The following NOL7 variants were observed in gnomAD, a reference collection of about 807,000 sequenced individuals.
NOL7 encodes the protein nucleolar protein 7.
Under a neutral mutation model 38.4 loss-of-function variants are expected in NOL7, and 36 were observed. The observed-to-expected ratio is 0.94, with a 90% CI of 0.72 to 1.24. The LOEUF (loss-of-function observed/expected upper bound fraction) is 1.24. Ranked by LOEUF, NOL7 falls within the 50% of genes most tolerant of loss-of-function variation. NOL7 has a pLI of 0.00. For synonymous variants in NOL7, 142 were observed against 126.5 expected (o/e 1.12, Z -0.82); for missense variants, 350 against 315.1 (o/e 1.11, Z -0.84).
chr6:13,632,002 C>G (rs1764795336), intron 8 of NOL7, among the ~76,000 whole-genome samples: 1 of 152,148 alleles, frequency 6.6e-6, no homozygotes, highest in Non-Finnish European at 1.5e-5. Context: ...ATAGTTTTAT[C>G]TGCACGCCCA....
At position 13,615,800 on chromosome 6, in the gene NOL7, T is replaced by C. The variant is rs781148122; in HGVS notation, c.327+28T>C. 3.1e-6 allele frequency: 5 copies of C among 1,593,700 alleles called. No homozygotes were observed. The African/African-American group carries it at 6.8e-5, about 22-fold the overall frequency. On this transcript the variant is annotated intron_variant, in intron 2 of 7. Transcript: ENST00000451315. ...TAGAGGCTAGGGAGGAGGTGTCTTA[T>C]TAAAACAACTCGGCTCAGGGAGAAT... is the stretch of plus-strand genomic sequence containing the variant.
rs755696410 is a variant in NOL7 at position 13,615,666 on chromosome 6, G to T, written c.266+42G>T. ...CCGGCGGGGAGAACCGCCCTTTCTC[G>T]TCCCGCTTGTCCTTCCCTTTGCTGA... On this transcript the variant is annotated intron_variant, in intron 1 of 7. Transcript: ENST00000451315. 72 of 1,613,658 alleles carry T rather than the reference G, an allele frequency of 4.5e-5. 1 individual carries two copies. The highest frequency in any genetic ancestry group is 6.6e-5 in the South Asian group (6 of 90,996).
chr6:13,622,405 A>G (rs1764477084), downstream of NOL7: 2 of 1,601,168 alleles, frequency 1.2e-6, no homozygotes, highest in Middle Eastern at 3.3e-4. Flanking sequence ...GCAGGATCCA[A>G]TTCCTGATCG....
chr6:13,623,192 GA>G (rs916957974), downstream of NOL7, among the ~76,000 whole-genome samples: 1 of 152,108 alleles, frequency 6.6e-6, no homozygotes, highest in Non-Finnish European at 1.5e-5. Context: ...GCCAGAGATG[GA>G]AAAAAATGAA....
intron 3 of NOL7, 65 bp downstream of exon 3, chr6:13,616,586 CA>C: frequency 9.3e-7 from 1 of 1,072,736 alleles, no homozygotes; most frequent in Non-Finnish European, 1.4e-6. Context: ...TATACTGGTA[CA>C]TTTATTTGAA....
downstream of NOL7, chr6:13,622,554 A>C: frequency 1.4e-6 from 2 of 1,467,314 alleles, no homozygotes; most frequent in South Asian, 1.4e-5. Context: ...AAAACATTTC[A>C]ATCAGGAGAA....
chr6:13,616,338 T>A (rs1764287168), intron 2 of NOL7, 125 bp from the exon 3 acceptor site: 1 of 617,954 alleles, frequency 1.6e-6, no homozygotes, highest in African/African-American at 1.9e-5. Flanking sequence ...ATGGGGGCAG[T>A]TTCCAGCCTA....
chr6:13,617,708 A>G lies in NOL7; in HGVS notation c.387-62A>G, dbSNP rs1312696910. 17 of 1,490,470 alleles carry G rather than the reference A, an allele frequency of 1.1e-5. No homozygotes were observed. The Admixed American group carries it at 1.4e-4, about 12-fold the overall frequency. The allele number at this position is 1,490,470 out of a possible 1,614,324, so 92.3% of individuals were successfully genotyped here. A position where few individuals can be genotyped will look rare whatever the true frequency, so the allele number is the denominator to read the frequency against. On this transcript the variant is annotated intron_variant, in intron 3 of 7. Transcript: ENST00000451315. The stretch of plus-strand genomic sequence containing the variant: ...TACTTGTAAAGGCAAATGAAATAAT[A>G]TAACATGTTTTGAGTAATCTTTACT...
downstream of NOL7, among the ~76,000 whole-genome samples, chr6:13,624,484 T>TA (rs1443734785): frequency 1.3e-5 from 2 of 152,220 alleles, no homozygotes; most frequent in Non-Finnish European, 2.9e-5. Flanking sequence ...ACCTGGGAAT[T>TA]AGACTCTGAA....
At chr6:13,618,958 G>A (rs931780235) in intron 5 of NOL7, among the ~76,000 whole-genome samples, 8 of 152,202 alleles carry the variant, frequency 5.3e-5, no homozygotes, top group African/African-American at 1.9e-4. Flanking sequence ...AGGTCCTGCA[G>A]GTTAAGTTCA....
downstream of NOL7, among the ~76,000 whole-genome samples, chr6:13,624,478 G>A (rs1185391345): frequency 6.6e-6 from 1 of 152,058 alleles, no homozygotes; most frequent in Non-Finnish European, 1.5e-5. Flanking sequence ...CCAATTACCT[G>A]GGAATTAGAC....
At chr6:13,618,815 CAGG>C (rs1764356906) in intron 5 of NOL7, among the ~76,000 whole-genome samples, 1 of 152,166 alleles carries the variant, frequency 6.6e-6, no homozygotes, top group African/African-American at 2.4e-5. Flanking sequence ...CACTTGAGCC[CAGG>C]AGGTCGAGGC....
At position 13,615,791 on chromosome 6, in the gene NOL7, G is replaced by A. The variant is rs370054990; in HGVS notation, c.327+19G>A. On this transcript the variant is annotated intron_variant, in intron 2 of 7. Transcript: ENST00000451315. ...ACAGAAGGTTAGAGGCTAGGGAGGAGGTGTCTTATTAAAACAACTCGGCTC... is the reference window on the plus strand; with the variant it reads ...ACAGAAGGTTAGAGGCTAGGGAGGAAGTGTCTTATTAAAACAACTCGGCTC... 2.5e-5 allele frequency: 40 copies of A among 1,601,096 alleles called. No individual in the cohort carries two copies. Among genetic ancestry groups the A allele is most frequent in the Non-Finnish European group, 3.2e-5 (38 of 1,175,408 alleles).
chr6:13,624,946 C>T (rs1056499126), downstream of NOL7, among the ~76,000 whole-genome samples: 2 of 152,164 alleles, frequency 1.3e-5, no homozygotes, highest in Non-Finnish European at 2.9e-5. Context: ...ATACCAGTGG[C>T]TTAGGCTGCT....
chr6:13,626,187 C>T (rs989776895), downstream of NOL7, among the ~76,000 whole-genome samples: 2 of 152,204 alleles, frequency 1.3e-5, no homozygotes, highest in Non-Finnish European at 1.5e-5. Context: ...CTGGACACAT[C>T]TCACTGGGAT....
At chr6:13,615,848 G>A in intron 2 of NOL7, 76 bp downstream of exon 2, 4 of 1,443,058 alleles carry the variant, frequency 2.8e-6, no homozygotes, top group Non-Finnish European at 3.8e-6. Flanking sequence ...TGTAATTTGG[G>A]TTGGCAGGAT....
At chr6:13,619,555 T>C (rs909199498) in intron 5 of NOL7, among the ~76,000 whole-genome samples, 4 of 152,238 alleles carry the variant, frequency 2.6e-5, no homozygotes, top group African/African-American at 4.8e-5. Flanking sequence ...GAAAAACTTA[T>C]TTGGCACAAT....
At chr6:13,632,299 T>G (rs2127761596) in intron 8 of NOL7, 1 of 1,491,356 alleles carries the variant, frequency 6.7e-7, no homozygotes. Context: ...GGTACACTGC[T>G]CAGTGTTTCA....
At chr6:13,620,160 A>T (rs778014907) in intron 5 of NOL7, 48 bp from the exon 6 acceptor site, 44 of 1,565,234 alleles carry the variant, frequency 2.8e-5, no homozygotes, top group Middle Eastern at 1.7e-4. Flanking sequence ...AAAAAAAAAG[A>T]AAGTAAGCAT....
Sources: gnomAD v4.1 joint callset for allele counts (sites outside exome capture counted in the v4.1 genomes callset) on GRCh38, gnomAD v4.1.1 for gene constraint, MANE v1.5 for transcripts, NCBI Gene and HGNC (gene_info 2026-07-23, HGNC 2026-07-21) for gene names.